Variants in TTLL4 observed in about 807,000 individuals in gnomAD.
TTLL4 encodes the protein tubulin monoglutamylase TTLL4.
A neutral mutation model predicts 122.7 loss-of-function variants in TTLL4; 85 were observed. The ratio of observed to expected loss-of-function variants is 0.69; its 90% CI spans 0.58 to 0.83. TTLL4 has a LOEUF of 0.83. Ranked by LOEUF, TTLL4 falls within the 40% of genes least tolerant of loss-of-function variation. TTLL4 has a pLI of 0.00. For missense variants in TTLL4, 1,363 were observed against 1,488.6 expected (o/e 0.92, Z 1.39); for synonymous variants, 553 against 563.0 (o/e 0.98, Z 0.25).
Position 218,738,404 on chromosome 2 carries a change from C to T in TTLL4, c.728C>T (p.Ser243Leu), listed in dbSNP as rs375447896. ...ACCACACAGGGCCTGAAGCCAGTAT[C>T]GCCACCCAAGATCCAGCCTGTCTCC... Reference protein sequence around the residue: ...LQTTQGLKPVSPPKIQPVSWH... With the variant: ...LQTTQGLKPVLPPKIQPVSWH... The change falls in exon 3 of 20, where the codon TCG becomes TTG. Residue 243 changes from serine to leucine, a missense_variant. Physicochemically the swap from Ser to Leu is moderately radical, Grantham distance 145. Coordinates refer to ENST00000392102, the MANE Select transcript of TTLL4 (RefSeq NM_014640.5). 25 of 1,614,176 alleles carry T rather than the reference C, an allele frequency of 1.5e-5. No individual in the cohort carries two copies. In the East Asian group the frequency reaches 2.7e-4, roughly 17 times the overall value.
chr2:218,751,391 A>G (rs1943010081), intron 15 of TTLL4, among the ~76,000 whole-genome samples: 1 of 152,230 alleles, frequency 6.6e-6, no homozygotes, highest in Non-Finnish European at 1.5e-5. Flanking sequence ...AGTTGAGTAT[A>G]TAGTTAAGTG....
chr2:218,720,416 A>G (rs1027715023), intron 1 of TTLL4, among the ~76,000 whole-genome samples: 7 of 152,192 alleles, frequency 4.6e-5, no homozygotes, highest in Admixed American at 4.6e-4. Context: ...CGCCTTTTTC[A>G]TATGAATAGG....
intron 15 of TTLL4, among the ~76,000 whole-genome samples, chr2:218,750,958 G>A (rs1423512168): frequency 4.0e-5 from 6 of 151,784 alleles, no homozygotes; most frequent in Non-Finnish European, 8.8e-5. Context: ...GATGTGTGAG[G>A]AAAAAAACCC....
At chr2:218,758,665 A>T (rs1943192322), downstream of TTLL4, among the ~76,000 whole-genome samples, 1 of 152,226 alleles carries the variant, frequency 6.6e-6, no homozygotes, top group Non-Finnish European at 1.5e-5. Flanking sequence ...TTAACACTAA[A>T]GTGGCTCAAA....
chr2:218,737,753 G>A lies in TTLL4; in HGVS notation c.77G>A (p.Gly26Asp), dbSNP rs776173312. 5.0e-6 allele frequency: 8 copies of A among 1,613,978 alleles called. No homozygotes were observed. Among genetic ancestry groups the A allele is most frequent in the Non-Finnish European group, 6.8e-6 (8 of 1,179,858 alleles). The change falls in exon 3 of 20, where the codon GGC (glycine) becomes GAC (aspartate). Residue 26 changes from glycine to aspartate, a missense_variant. Physicochemically the swap from Gly to Asp is moderately conservative, Grantham distance 94 (BLOSUM62 -1). Transcript: ENST00000392102. ...KNSFKQSGPS[G>D]TVPATPPEKP... ...AGCTTCAAGCAGAGTGGTCCCTCAG[G>A]CACAGTACCTGCCACGCCACCTGAG...
chr2:218,747,612 C>T lies in TTLL4; in HGVS notation c.2265C>T (p.Pro755=), dbSNP rs528488196. The T allele has an allele frequency of 2.0e-5, 33 of 1,614,214 alleles. 1 individual carries two copies. The South Asian group carries it at 3.4e-4, about 17-fold the overall frequency. ...TCCTATGTAGGTATCTACACAAACC[C>T]TACCTCATCAGCGGCAGCAAGTTTG... ...PLLVQRYLHK[P]YLISGSKFDL... The change falls in exon 11 of 20, where the codon CCC becomes CCT. Residue 755 remains proline (P), a synonymous_variant. Transcript: ENST00000392102. This position sits in a 1 kb window ranked among gnomAD's most constrained non-coding sequence, Gnocchi z 4.7.
In TTLL4 at chr2:218,721,976, A is replaced by G. The variant is rs762123666; in HGVS notation, c.-177-5293A>G. ...CTGTCTCTATTTAAAAAAAAAAATT[A>G]AAAAACTCAGAAGTTAAAATTAGGG... On this transcript the variant is annotated intron_variant, in intron 1 of 19. Transcript: ENST00000392102. Among the ~76,000 whole-genome samples the G allele has an allele frequency of 2.0e-5, 3 of 152,104 alleles. 1 individual carries two copies. The highest frequency in any genetic ancestry group is 4.4e-5 in the Non-Finnish European group (3 of 68,012).
At chr2:218,756,311 A>G (rs72963973), downstream of TTLL4, among the ~76,000 whole-genome samples, 1,979 of 152,222 alleles carry the variant, frequency 0.013, 19 homozygotes, top group Non-Finnish European at 0.022. Flanking sequence ...TGGAGAGGGA[A>G]CCAGCATTGC....
At position 218,726,436 on chromosome 2, in the gene TTLL4, A is replaced by G. The variant is rs188430760; in HGVS notation, c.-177-833A>G. On this transcript the variant is annotated intron_variant, in intron 1 of 19. Coordinates refer to ENST00000392102, the MANE Select transcript of TTLL4 (RefSeq NM_014640.5). Reference sequence around the variant, plus strand: ...GATCTTCTTGGACTTGGATATATGTATCTCTCTCAAGTTTTGAAAAGTTTT... The same window carrying G: ...GATCTTCTTGGACTTGGATATATGTGTCTCTCTCAAGTTTTGAAAAGTTTT... 1.6e-4 allele frequency among the ~76,000 whole-genome samples: 24 copies of G among 152,170 alleles called. No homozygotes were observed. In the East Asian group the frequency reaches 4.6e-3, roughly 29 times the overall value.
chr2:218,732,828 C>T (rs1178471477), intron 2 of TTLL4, among the ~76,000 whole-genome samples: 1 of 152,184 alleles, frequency 6.6e-6, no homozygotes, highest in African/African-American at 2.4e-5. Context: ...TTGATCTCAT[C>T]AGGAATCTCT....
At position 218,725,695 on chromosome 2, in the gene TTLL4, A is replaced by G. The variant is rs556455088; in HGVS notation, c.-177-1574A>G. Among the ~76,000 whole-genome samples the G allele has an allele frequency of 1.9e-4, 29 of 152,124 alleles. No individual in the cohort carries two copies. In the East Asian group the frequency reaches 5.4e-3, roughly 28 times the overall value. On this transcript the variant is annotated intron_variant, in intron 1 of 19. Transcript: ENST00000392102. ...CTCAGCCTCCCAAGTAGCTGGGATTATAGGCACATGCCACCACACCTGGCT... is the reference window on the plus strand; with the variant it reads ...CTCAGCCTCCCAAGTAGCTGGGATTGTAGGCACATGCCACCACACCTGGCT...
chr2:218,750,167 CA>C (rs1053269911), intron 15 of TTLL4, 21 bp downstream of exon 15: 1 of 1,611,960 alleles, frequency 6.2e-7, no homozygotes, highest in Non-Finnish European at 8.5e-7. Context: ...TATTTCTTCA[CA>C]GCTCTGCTGG....
chr2:218,757,294 G>A (rs1331779685), downstream of TTLL4, among the ~76,000 whole-genome samples: 1 of 152,106 alleles, frequency 6.6e-6, no homozygotes, highest in Non-Finnish European at 1.5e-5. Flanking sequence ...ATAGCTCATG[G>A]CCCTCACCTT....
In TTLL4 at chr2:218,749,335, A is replaced by G. The variant is rs1358697453; in HGVS notation, c.2683A>G (p.Met895Val). The change falls in exon 14 of 20, where the codon ATG becomes GTG. Residue 895 changes from methionine (M) to valine (V), a missense_variant. Met to Val is a conservative substitution (Grantham distance 21). Transcript: ENST00000392102. ...SCHELFGFDIMLDENLKPWVL... is the reference protein window; with the variant it reads ...SCHELFGFDIVLDENLKPWVL... Reference sequence around the variant, plus strand: ...CCATGAACTCTTTGGTTTTGACATCATGCTAGACGAAAACCTCAAGCCCTG... The same window carrying G: ...CCATGAACTCTTTGGTTTTGACATCGTGCTAGACGAAAACCTCAAGCCCTG... The G allele has an allele frequency of 2.5e-6, 4 of 1,614,036 alleles. No individual in the cohort carries two copies. Among genetic ancestry groups the G allele is most frequent in the Non-Finnish European group, 3.4e-6 (4 of 1,180,048 alleles).
chr2:218,731,598 G>A (rs62191629), intron 2 of TTLL4, among the ~76,000 whole-genome samples: 10,149 of 152,248 alleles, frequency 0.067, 416 homozygotes, highest in African/African-American at 0.11. Flanking sequence ...CAGTGAGAAT[G>A]AGAGTTGTAA....
chr2:218,751,887 C>T (rs184916064), intron 16 of TTLL4, 81 bp downstream of exon 16: 6,915 of 452,040 alleles, frequency 0.015, 4 homozygotes, highest in South Asian at 0.022. Context: ...AACAGCTTTT[C>T]TTTTTTTTTT....
At chr2:218,712,611 A>C (rs1338318032) in intron 1 of TTLL4, among the ~76,000 whole-genome samples, 2 of 151,476 alleles carry the variant, frequency 1.3e-5, no homozygotes, top group African/African-American at 4.9e-5. Context: ...CTGGTCTCAA[A>C]CTCCTGACCT....
intron 1 of TTLL4, among the ~76,000 whole-genome samples, chr2:218,719,269 T>C (rs1039726874): frequency 1.3e-5 from 2 of 152,094 alleles, no homozygotes; most frequent in Non-Finnish European, 2.9e-5. Context: ...CCCCAGAGAT[T>C]TCCTATAAAA....
At chr2:218,739,979 A>G in intron 3 of TTLL4, 79 bp from the exon 4 acceptor site, 3 of 1,298,744 alleles carry the variant, frequency 2.3e-6, no homozygotes, top group South Asian at 1.3e-5. Flanking sequence ...AAATACTGGG[A>G]GATGATGAAG....
Sources: allele counts gnomAD v4.1 joint callset (sites outside exome capture counted in the v4.1 genomes callset), GRCh38; gene constraint gnomAD v4.1.1; non-coding constraint Gnocchi (gnomAD v3.1); transcripts MANE v1.5; gene names NCBI Gene and HGNC (gene_info 2026-07-23, HGNC 2026-07-21).